Variants in BAG4 observed in about 807,000 individuals in gnomAD.
BAG4 encodes the protein BAG cochaperone 4.
BAG4 carries 28 observed loss-of-function variants against 52.1 expected under a neutral mutation model. The observed-to-expected ratio is 0.54, with a 90% CI of 0.40 to 0.74. The LOEUF (loss-of-function observed/expected upper bound fraction) is 0.74. Ranked by LOEUF, BAG4 falls within the 30% of genes least tolerant of loss-of-function variation. BAG4 has a pLI of 0.00. For synonymous variants in BAG4, 208 were observed against 217.0 expected (o/e 0.96, Z 0.37); for missense variants, 525 against 572.0 (o/e 0.92, Z 0.84).
At chr8:38,209,867 A>T in intron 4 of BAG4, 141 bp from the exon 5 acceptor site, 1 of 1,188,568 alleles carries the variant, frequency 8.4e-7, no homozygotes, top group Non-Finnish European at 1.2e-6. Context: ...GCAAATGATT[A>T]AGGAGAGGGG....
chr8:38,178,180 G>T (rs571342761), intron 1 of BAG4, among the ~76,000 whole-genome samples: 1 of 149,306 alleles, frequency 6.7e-6, no homozygotes, highest in South Asian at 2.1e-4. Context: ...TTTTGAGTTG[G>T]AGTCTCGCTC....
At chr8:38,207,982 T>C (rs1803801044) in intron 3 of BAG4, among the ~76,000 whole-genome samples, 1 of 152,004 alleles carries the variant, frequency 6.6e-6, no homozygotes, top group African/African-American at 2.4e-5. Flanking sequence ...AAGTAATCTT[T>C]AGAGAGTTGC....
At chr8:38,204,846 A>G (rs948591110) in intron 2 of BAG4, among the ~76,000 whole-genome samples, 1 of 152,138 alleles carries the variant, frequency 6.6e-6, no homozygotes, top group Non-Finnish European at 1.5e-5. Flanking sequence ...AATTTCAGAT[A>G]TCATTTTATC....
chr8:38,188,251 A>G (rs550100195), intron 1 of BAG4, among the ~76,000 whole-genome samples: 5 of 152,176 alleles, frequency 3.3e-5, no homozygotes, highest in African/African-American at 1.2e-4. Flanking sequence ...AAATCCAGCT[A>G]TATCAATAAT....
chr8:38,205,046 A>G (rs564552305), intron 2 of BAG4, among the ~76,000 whole-genome samples: 1 of 152,090 alleles, frequency 6.6e-6, no homozygotes, highest in South Asian at 2.1e-4. Context: ...TTAGTTAGCT[A>G]GTTGAAGACA....
chr8:38,179,294 T>C (rs1352726011), intron 1 of BAG4, among the ~76,000 whole-genome samples: 1 of 151,936 alleles, frequency 6.6e-6, no homozygotes, highest in African/African-American at 2.4e-5. Context: ...GTAGCTGGGA[T>C]TACAGGCGCC....
Position 38,210,823 on chromosome 8 carries a change from A to T in BAG4, c.*330A>T. The T allele has an allele frequency of 5.3e-6, 1 of 188,160 alleles. No individual in the cohort carries two copies. The highest frequency in any genetic ancestry group is 1.1e-5 in the Non-Finnish European group (1 of 91,132). The allele number at this position is 188,160 out of a possible 1,614,324, so 11.7% of individuals were successfully genotyped here. On this transcript the variant is annotated 3_prime_UTR_variant, in exon 5 of 5. Coordinates refer to ENST00000287322, the MANE Select transcript of BAG4 (RefSeq NM_004874.4). ...ACTTCACACAACAGGCTTATCAGAA[A>T]CCTACCAGATGAAACTGGATATAAT...
chr8:38,192,711 C>T lies in BAG4; in HGVS notation c.294C>T (p.Tyr98=), dbSNP rs765562439. 1.2e-6 allele frequency: 2 copies of T among 1,612,086 alleles called. No homozygotes were observed. The highest frequency in any genetic ancestry group is 8.5e-7 in the Non-Finnish European group (1 of 1,179,334). Residue 98 remains tyrosine (Y), a synonymous_variant, in exon 2 of 5, where the codon TAC becomes TAT. Transcript: ENST00000287322. ...AGGAGCAGCCACCATATCCTAGCTA[C>T]AATTCTAACTATTGGAATTCTACTG... The part of the protein sequence containing the change: ...SHQEQPPYPS[Y]NSNYWNSTAR...
rs1434437861 is a variant in BAG4, at chr8:38,209,992, G to C, written c.889-16G>C. The C allele has an allele frequency of 6.3e-7, 1 of 1,599,220 alleles. No homozygotes were observed. On this transcript the variant is annotated splice_polypyrimidine_tract_variant and intron_variant, in intron 4 of 4. Coordinates refer to ENST00000287322, the MANE Select transcript of BAG4 (RefSeq NM_004874.4). ...TTAAAACAGCTCTTTTCCTCTTTTT[G>C]CTCTCCCACTCCAAGGATTCTTCAT...
chr8:38,198,662 G>A (rs950491857), intron 2 of BAG4, among the ~76,000 whole-genome samples: 8 of 151,380 alleles, frequency 5.3e-5, no homozygotes, highest in Admixed American at 3.3e-4. Flanking sequence ...CTAATTTTTT[G>A]TATTTTTAGT....
chr8:38,203,693 G>A (rs1803722585), intron 2 of BAG4, among the ~76,000 whole-genome samples: 1 of 151,860 alleles, frequency 6.6e-6, no homozygotes, highest in Non-Finnish European at 1.5e-5. Context: ...ATATAGGCTG[G>A]GTGCAGTGGC....
At chr8:38,188,533 A>G (rs1439754358) in intron 1 of BAG4, among the ~76,000 whole-genome samples, 1 of 151,648 alleles carries the variant, frequency 6.6e-6, no homozygotes, top group Non-Finnish European at 1.5e-5. Flanking sequence ...TACTACTTTT[A>G]TTAATTAAAA....
intron 1 of BAG4, 81 bp downstream of exon 1, chr8:38,177,220 G>A: frequency 6.4e-7 from 1 of 1,559,000 alleles, no homozygotes; most frequent in Non-Finnish European, 8.6e-7. Flanking sequence ...TTTCATACTT[G>A]TTTTCCTTAT....
intron 1 of BAG4, among the ~76,000 whole-genome samples, chr8:38,184,892 C>T (rs573131174): frequency 6.6e-6 from 1 of 152,212 alleles, no homozygotes; most frequent in African/African-American, 2.4e-5. Context: ...AGATCGAGAC[C>T]ATCCTGGCCA....
At chr8:38,181,736 C>G (rs1803274820) in intron 1 of BAG4, among the ~76,000 whole-genome samples, 1 of 150,936 alleles carries the variant, frequency 6.6e-6, no homozygotes, top group Non-Finnish European at 1.5e-5. Context: ...GACCTTGTCC[C>G]AGAAAAAGAA....
chr8:38,189,903 C>T (rs949440915), intron 1 of BAG4, among the ~76,000 whole-genome samples: 2 of 151,826 alleles, frequency 1.3e-5, no homozygotes, highest in African/African-American at 2.4e-5. Context: ...CTGCAAGCTC[C>T]GCCTCCCAGG....
At position 38,207,557 on chromosome 8, in the gene BAG4, C is replaced by G. The variant is rs377654190; in HGVS notation, c.424C>G (p.Pro142Ala). 1 of 1,614,006 alleles carries G rather than the reference C, an allele frequency of 6.2e-7. No individual in the cohort carries two copies. The highest frequency in any genetic ancestry group is 8.5e-7 in the Non-Finnish European group (1 of 1,179,966). The change falls in exon 3 of 5, where the codon CCA becomes GCA. Residue 142 changes from proline to alanine, a missense_variant. Pro to Ala is a conservative substitution (Grantham distance 27). Around this residue, in one of 2 missense-constraint regions of BAG4, gnomAD observed 287 missense variants for 266.1 expected, o/e 1.08. Transcript: ENST00000287322. Reference protein sequence around the residue: ...TNGAYGPTYPPGPGANTASYS... With the variant: ...TNGAYGPTYPAGPGANTASYS... ...TGGAGCGTATGGTCCAACATACCCC[C>G]CAGGCCCTGGGGCAAATACTGCCTC... is the stretch of plus-strand genomic sequence containing the variant.
chr8:38,179,453 G>A (rs912386101), intron 1 of BAG4, among the ~76,000 whole-genome samples: 14 of 151,700 alleles, frequency 9.2e-5, no homozygotes, highest in African/African-American at 2.2e-4. Flanking sequence ...CACAGTGCCC[G>A]GCCAAGATTA....
chr8:38,195,129 C>T lies in BAG4; in HGVS notation c.378+2334C>T, dbSNP rs558305768. 1.2e-3 allele frequency among the ~76,000 whole-genome samples: 177 copies of T among 151,924 alleles called. 1 individual carries two copies. Among genetic ancestry groups the T allele is most frequent in the Non-Finnish European group, 4.9e-4 (33 of 67,978 alleles). ...TCGGCCTCCCAAAGTGCTGGGATTA[C>T]AGGCGTGAGCCACTGCACCTGGCTT... On this transcript the variant is annotated intron_variant, in intron 2 of 4. Transcript: ENST00000287322.
Sources: allele counts gnomAD v4.1 joint callset (sites outside exome capture counted in the v4.1 genomes callset), GRCh38; gene constraint gnomAD v4.1.1; regional missense constraint gnomAD v4.1.1; transcripts MANE v1.5; gene names NCBI Gene and HGNC (gene_info 2026-07-23, HGNC 2026-07-21).